ENPP1: variants seen among roughly 807,000 people sequenced by gnomAD.
The protein encoded by ENPP1 is ectonucleotide pyrophosphatase/phosphodiesterase 1.
ENPP1 carries 73 observed loss-of-function variants against 122.8 expected under a neutral mutation model. The observed-to-expected ratio is 0.59, with a 90% CI of 0.49 to 0.72. ENPP1 has a LOEUF of 0.72. Ranked by LOEUF, ENPP1 falls within the 30% of genes least tolerant of loss-of-function variation. The pLI, the probability that ENPP1 is intolerant of heterozygous loss-of-function variation, is 0.00. For synonymous variants in ENPP1, 367 were observed against 391.6 expected (o/e 0.94, Z 0.74); for missense variants, 978 against 1,128.1 (o/e 0.87, Z 1.91).
intron 9 of ENPP1, 147 bp from the exon 10 acceptor site, chr6:131,864,359 A>G: frequency 6.3e-6 from 4 of 639,174 alleles, no homozygotes; most frequent in Non-Finnish European, 1.1e-5. Flanking sequence ...GGGAAAATAA[A>G]GTTTTCAAAT....
chr6:131,857,981 T>TG (rs1222241702), intron 6 of ENPP1, among the ~76,000 whole-genome samples: 6 of 152,268 alleles, frequency 3.9e-5, no homozygotes, highest in African/African-American at 1.4e-4. Flanking sequence ...GAATGTAGCC[T>TG]GTAATTCTGA....
chr6:131,847,856 GGTGTGTGTGTGTGTGTGTGT>G lies in ENPP1; in HGVS notation c.313+27_313+46del, dbSNP rs59956343. The G allele has an allele frequency of 1.7e-6, 2 of 1,181,202 alleles. No individual in the cohort carries two copies. Among genetic ancestry groups the G allele is most frequent in the Non-Finnish European group, 2.4e-6 (2 of 831,438 alleles). 73.2% of individuals were successfully genotyped at this position (1,181,202 alleles called of 1,614,324 possible). Reference sequence around the variant, plus strand: ...CAAGCTGTGCCAAAGAAGGTAATTAGGTGTGTGTGTGTGTGTGTGTGTGTGTGTGTGTGTGTGTATGTGTG... The same window carrying G: ...CAAGCTGTGCCAAAGAAGGTAATTAGGTGTGTGTGTGTGTGTGTATGTGTG... On this transcript the variant is annotated intron_variant, in intron 2 of 24. Coordinates refer to ENST00000647893, the MANE Select transcript of ENPP1 (RefSeq NM_006208.3).
At chr6:131,833,320 T>C (rs9493109) in intron 1 of ENPP1, among the ~76,000 whole-genome samples, 13,696 of 152,254 alleles carry the variant, frequency 0.09, 756 homozygotes, top group South Asian at 0.22. Context: ...ATGAATGTTT[T>C]ATATTTTTAT....
At chr6:131,841,251 A>G (rs778869310) in intron 1 of ENPP1, among the ~76,000 whole-genome samples, 4 of 152,204 alleles carry the variant, frequency 2.6e-5, no homozygotes, top group East Asian at 1.9e-4. Context: ...GGATTTACTC[A>G]ATAGGATCGA....
Position 131,869,413 on chromosome 6 carries a change from T to C in ENPP1, c.1329T>C (p.Asp443=), listed in dbSNP as rs113723070. 2.9e-3 allele frequency: 4,606 copies of C among 1,612,734 alleles called. 107 individuals are homozygous for C. The African/African-American group carries it at 0.051, about 18-fold the overall frequency. ...TATATCTGAATAAATATTTGGGGGA[T>C]GTTAAAAATATTAAAGTTATCTATG... ...KYIYLNKYLG[D]VKNIKVIYGP... Residue 443 remains aspartate, a synonymous_variant, in exon 13 of 25, where the codon GAT becomes GAC. Transcript: ENST00000647893.
At position 131,890,381 on chromosome 6, in the gene ENPP1, T is replaced by A; in HGVS notation, c.2648T>A (p.Met883Lys). The change falls in exon 25 of 25, where the codon ATG becomes AAG. Residue 883 changes from methionine to lysine, a missense_variant. By Grantham distance (95) the Met-to-Lys change is moderately conservative. This residue lies in a region of ENPP1 where 644 missense variants were observed against 781.5 expected (regional missense o/e 0.82). Transcript: ENST00000647893. ...HDSSWVEELL[M>K]LHRARITDVE... ...TCCTCATGGGTTGAAGAATTGTTAA[T>A]GTTACACAGAGCACGGATCACAGAT... is the stretch of plus-strand genomic sequence containing the variant. 1 of 1,613,972 alleles carries A rather than the reference T, an allele frequency of 6.2e-7. No individual in the cohort carries two copies. The highest frequency in any genetic ancestry group is 1.7e-5 in the Admixed American group (1 of 60,030).
intron 1 of ENPP1, among the ~76,000 whole-genome samples, chr6:131,815,992 A>G (rs1781409644): frequency 6.7e-6 from 1 of 149,788 alleles, no homozygotes; most frequent in South Asian, 2.1e-4. Flanking sequence ...AAGTGCTGGG[A>G]TTACAGGCGT....
intron 15 of ENPP1, among the ~76,000 whole-genome samples, chr6:131,873,814 A>G (rs1433600787): frequency 6.6e-6 from 1 of 152,060 alleles, no homozygotes; most frequent in African/African-American, 2.4e-5. Context: ...TTTAGTTTTC[A>G]AAAAATATAT....
At chr6:131,875,270 A>G (rs1244659782) in intron 16 of ENPP1, among the ~76,000 whole-genome samples, 1 of 152,178 alleles carries the variant, frequency 6.6e-6, no homozygotes, top group Non-Finnish European at 1.5e-5. Context: ...CATATCTCCT[A>G]TTATATTTCT....
rs1315343187 is a variant in ENPP1 at position 131,868,108 on chromosome 6, A to C, written c.1255A>C (p.Ile419Leu). Reference sequence around the variant, plus strand: ...GAACTTGCACAGATGCCTGAACCTCATCCTTATTTCAGATCATGGTAATCT... The same window carrying C: ...GAACTTGCACAGATGCCTGAACCTCCTCCTTATTTCAGATCATGGTAATCT... ...ELNLHRCLNL[I>L]LISDHGMEQG... is the part of the protein sequence containing the mutation. The change falls in exon 12 of 25, where the codon ATC becomes CTC. Residue 419 changes from isoleucine to leucine, a missense_variant. Ile to Leu is a conservative substitution (Grantham distance 5). Transcript: ENST00000647893. The C allele has an allele frequency of 1.9e-6, 3 of 1,611,348 alleles. No individual in the cohort carries two copies. The highest frequency in any genetic ancestry group is 2.2e-5 in the South Asian group (2 of 91,026).
intron 1 of ENPP1, among the ~76,000 whole-genome samples, chr6:131,835,505 A>C (rs1781663019): frequency 6.6e-6 from 1 of 152,244 alleles, no homozygotes; most frequent in Non-Finnish European, 1.5e-5. Context: ...ATACTAGTCC[A>C]ACCAAATCTA....
intron 1 of ENPP1, among the ~76,000 whole-genome samples, chr6:131,836,411 G>C (rs1781674852): frequency 8.0e-6 from 1 of 125,182 alleles, no homozygotes; most frequent in Non-Finnish European, 1.7e-5. Context: ...ACCACACCCA[G>C]CCGAGTGTGT....
At chr6:131,831,413 C>A (rs778590073) in intron 1 of ENPP1, among the ~76,000 whole-genome samples, 149 of 152,242 alleles carry the variant, frequency 9.8e-4, no homozygotes, top group Non-Finnish European at 1.1e-3. Context: ...AACTAAAGTC[C>A]ATACTTTATT....
chr6:131,887,394 ATTT>A (rs35908580), intron 24 of ENPP1, among the ~76,000 whole-genome samples: 2 of 139,136 alleles, frequency 1.4e-5, no homozygotes, highest in Admixed American at 7.2e-5. Flanking sequence ...CATTTTAGCA[ATTT>A]TTTTTTTTTT....
In ENPP1 at chr6:131,808,286, G is replaced by A; in HGVS notation, c.240+11G>A. 1 of 1,487,966 alleles carries A rather than the reference G, an allele frequency of 6.7e-7. No individual in the cohort carries two copies. The highest frequency in any genetic ancestry group is 9.0e-7 in the Non-Finnish European group (1 of 1,114,754). 92.2% of individuals were successfully genotyped at this position (1,487,966 alleles called of 1,614,324 possible). On this transcript the variant is annotated intron_variant, in intron 1 of 24. Transcript: ENST00000647893. ...AAAGTACTCTCGCTGGTAGGTCCGC[G>A]GCCAGGCCCCGGCGCCCGGGAGGGC... is the stretch of plus-strand genomic sequence containing the variant.
chr6:131,811,410 A>G (rs962038132), intron 1 of ENPP1, among the ~76,000 whole-genome samples: 5 of 149,662 alleles, frequency 3.3e-5, no homozygotes, highest in African/African-American at 1.3e-4. Flanking sequence ...CTATATCTAT[A>G]TCTATATCTA....
chr6:131,868,248 G>C, intron 12 of ENPP1, 122 bp downstream of exon 12: 1 of 719,390 alleles, frequency 1.4e-6, no homozygotes, highest in East Asian at 2.7e-5. Flanking sequence ...GTTTCTTATG[G>C]ACAGTCTTTA....
intron 1 of ENPP1, chr6:131,820,177 A>G (rs1781466445): frequency 3.7e-6 from 1 of 267,156 alleles, no homozygotes; most frequent in African/African-American, 2.3e-5. Context: ...TTAAAGAAGA[A>G]TGTCCATAAT....
intron 13 of ENPP1, 104 bp downstream of exon 13, chr6:131,869,593 C>A: frequency 2.5e-6 from 3 of 1,203,100 alleles, no homozygotes; most frequent in East Asian, 2.4e-5. Flanking sequence ...CTTTGGGAGG[C>A]CAAAGTGGGT....
Sources: gnomAD v4.1 joint callset for allele counts (sites outside exome capture counted in the v4.1 genomes callset) on GRCh38, gnomAD v4.1.1 for gene constraint, gnomAD v4.1.1 regional missense constraint, MANE v1.5 for transcripts, NCBI Gene and HGNC (gene_info 2026-07-23, HGNC 2026-07-21) for gene names.